VRK2: variants seen among roughly 807,000 people sequenced by gnomAD.
The protein encoded by VRK2 is serine/threonine-protein kinase VRK2.
A neutral mutation model predicts 57.6 loss-of-function variants in VRK2; 60 were observed. That is an observed-to-expected ratio of 1.04 (90% CI 0.85 to 1.29). The LOEUF is 1.29. Ranked by LOEUF, VRK2 falls within the 50% of genes most tolerant of loss-of-function variation. The pLI, the probability that VRK2 is intolerant of heterozygous loss-of-function variation, is 0.00. For missense variants in VRK2, 705 were observed against 588.1 expected (o/e 1.20, Z -2.06); for synonymous variants, 231 against 199.2 (o/e 1.16, Z -1.35).
chr2:58,144,502 T>C (rs951848850), intron 11 of VRK2, among the ~76,000 whole-genome samples: 3 of 151,996 alleles, frequency 2.0e-5, no homozygotes, highest in African/African-American at 4.8e-5. Context: ...GTATACCTTA[T>C]ATATTTTTAT....
chr2:58,156,228 G>GT lies in VRK2; in HGVS notation c.1183-3112dup, dbSNP rs565600948. Among the ~76,000 whole-genome samples the GT allele has an allele frequency of 2.9e-4, 44 of 150,314 alleles. 1 individual carries two copies. The highest frequency in any genetic ancestry group is 1.2e-3 in the East Asian group (6 of 5,108). On this transcript the variant is annotated intron_variant, in intron 12 of 12. Coordinates refer to ENST00000340157, the MANE Select transcript of VRK2 (RefSeq NM_006296.7). ...AGGATGTTTCCATCTTCATAGGTCT[G>GT]TTTTTTTTTCTGCTAAGAAGTTAGC...
In VRK2 at chr2:58,073,338, G is replaced by A. The variant is rs574168575; in HGVS notation, c.137-10751G>A. 5.9e-5 allele frequency among the ~76,000 whole-genome samples: 9 copies of A among 152,088 alleles called. No individual in the cohort carries two copies. In the South Asian group the frequency reaches 1.9e-3, roughly 32 times the overall value. The stretch of plus-strand genomic sequence containing the variant: ...GTTAAATTCATTGATTGGTGGTGCT[G>A]TCAGTTCAACCGTATTCTTATTAAC... On this transcript the variant is annotated intron_variant, in intron 2 of 12. Transcript: ENST00000340157.
At chr2:57,995,406 T>C (rs1013591429) in intron 1 of VRK2, among the ~76,000 whole-genome samples, 1 of 152,200 alleles carries the variant, frequency 6.6e-6, no homozygotes, top group African/African-American at 2.4e-5. Context: ...CAAAAACTTA[T>C]TTTTTCTCGA....
At chr2:57,908,787 A>C (rs900858262) in intron 1 of VRK2, among the ~76,000 whole-genome samples, 4 of 152,212 alleles carry the variant, frequency 2.6e-5, no homozygotes, top group African/African-American at 9.6e-5. Context: ...AATGAAGACC[A>C]GGCCTGAAGA....
At chr2:58,057,949 A>C (rs1399425207) in intron 2 of VRK2, among the ~76,000 whole-genome samples, 3 of 152,136 alleles carry the variant, frequency 2.0e-5, no homozygotes, top group Non-Finnish European at 4.4e-5. Context: ...AAAACAGTGT[A>C]GGAAAAATCA....
chr2:57,986,572 A>G (rs1466766413), intron 1 of VRK2, among the ~76,000 whole-genome samples: 1 of 151,170 alleles, frequency 6.6e-6, no homozygotes, highest in African/African-American at 2.4e-5. Flanking sequence ...TCAGAAATAG[A>G]CCCACTAATA....
At chr2:58,037,194 C>T (rs1424123226) in intron 3 of VRK2, among the ~76,000 whole-genome samples, 1 of 152,008 alleles carries the variant, frequency 6.6e-6, no homozygotes, top group Non-Finnish European at 1.5e-5. Flanking sequence ...CCTTAGCCTT[C>T]CAAAGTTCTG....
intron 7 of VRK2, among the ~76,000 whole-genome samples, chr2:58,109,792 C>T (rs1260401878): frequency 1.3e-5 from 2 of 152,070 alleles, no homozygotes; most frequent in Non-Finnish European, 2.9e-5. Flanking sequence ...ATTTCAGGTT[C>T]TACATATAAA....
intron 1 of VRK2, among the ~76,000 whole-genome samples, chr2:57,951,690 T>C (rs966292087): frequency 6.6e-6 from 1 of 152,178 alleles, no homozygotes; most frequent in Non-Finnish European, 1.5e-5. Context: ...CAAGACCCTC[T>C]ACCAGCAAAA....
chr2:57,967,853 A>T (rs1671971622), intron 1 of VRK2, among the ~76,000 whole-genome samples: 1 of 152,074 alleles, frequency 6.6e-6, no homozygotes, highest in South Asian at 2.1e-4. Flanking sequence ...AAAAAAATCT[A>T]CATATTCTGA....
intron 3 of VRK2, among the ~76,000 whole-genome samples, chr2:58,037,126 G>T (rs1401656380): frequency 6.6e-6 from 1 of 151,886 alleles, no homozygotes; most frequent in African/African-American, 2.4e-5. Flanking sequence ...TGCAGAGATA[G>T]GGTCTCATCA....
chr2:57,989,841 C>G (rs1450239683), intron 1 of VRK2, among the ~76,000 whole-genome samples: 1 of 151,966 alleles, frequency 6.6e-6, no homozygotes, highest in Non-Finnish European at 1.5e-5. Context: ...AAAAATATAT[C>G]TGAAATTAAT....
intron 8 of VRK2, among the ~76,000 whole-genome samples, chr2:58,125,652 G>A (rs1678228398): frequency 6.6e-6 from 1 of 151,912 alleles, no homozygotes; most frequent in Admixed American, 6.6e-5. Flanking sequence ...TTTCCTTAAT[G>A]CATTTTAAAT....
chr2:58,108,802 A>G (rs1558645785), intron 7 of VRK2, among the ~76,000 whole-genome samples: 1 of 152,198 alleles, frequency 6.6e-6, no homozygotes, highest in Non-Finnish European at 1.5e-5. Flanking sequence ...CCTTTCTGCT[A>G]TGTGAGGCAC....
chr2:58,113,890 TAAAAC>T (rs1424046758), intron 7 of VRK2, among the ~76,000 whole-genome samples: 19 of 151,930 alleles, frequency 1.3e-4, no homozygotes, highest in Middle Eastern at 3.2e-3. Flanking sequence ...ATAAGAAAAA[TAAAAC>T]AAAATAGTGT....
chr2:58,144,250 A>G (rs532709817), intron 11 of VRK2, among the ~76,000 whole-genome samples: 1 of 152,074 alleles, frequency 6.6e-6, no homozygotes, highest in South Asian at 2.1e-4. Flanking sequence ...GACCTGGGGA[A>G]AATGGGGAGA....
intron 1 of VRK2, among the ~76,000 whole-genome samples, chr2:57,939,591 T>G (rs926436960): frequency 6.6e-6 from 1 of 152,226 alleles, no homozygotes; most frequent in East Asian, 1.9e-4. Context: ...AAAAAGCATA[T>G]AGTGCTATAA....
At chr2:57,930,968 C>A (rs1670703349) in intron 1 of VRK2, among the ~76,000 whole-genome samples, 1 of 151,940 alleles carries the variant, frequency 6.6e-6, no homozygotes, top group African/African-American at 2.4e-5. Context: ...TATACATGTA[C>A]TGAGTATTTT....
chr2:58,046,569 G>T, upstream of VRK2: 1 of 985,648 alleles, frequency 1.0e-6, no homozygotes, highest in Non-Finnish European at 1.2e-6. Context: ...TGGCGGGCCA[G>T]GGTGGAGGTA....
Sources: gnomAD v4.1 joint callset for allele counts (sites outside exome capture counted in the v4.1 genomes callset) on GRCh38, gnomAD v4.1.1 for gene constraint, MANE v1.5 for transcripts, NCBI Gene and HGNC (gene_info 2026-07-23, HGNC 2026-07-21) for gene names.